SCNN1B: variants seen among roughly 807,000 people sequenced by gnomAD.
SCNN1B encodes epithelial sodium channel subunit beta.
A neutral mutation model predicts 65.3 loss-of-function variants in SCNN1B; 46 were observed. The ratio of observed to expected loss-of-function variants is 0.70; its 90% CI spans 0.56 to 0.90. SCNN1B has a LOEUF of 0.90. Among genes scored for constraint, SCNN1B ranks in the 40% least tolerant of loss-of-function variants. The pLI is 0.00. For missense variants in SCNN1B, 751 were observed against 830.5 expected (o/e 0.90, Z 1.18); for synonymous variants, 349 against 330.6 (o/e 1.06, Z -0.60).
At chr16:23,311,838 G>A (rs555852374) in intron 1 of SCNN1B, among the ~76,000 whole-genome samples, 3 of 152,308 alleles carry the variant, frequency 2.0e-5, no homozygotes, top group East Asian at 1.9e-4. Context: ...GAGTGTTGGA[G>A]AGGAAAGGAG....
chr16:23,312,230 A>G (rs552576092), intron 1 of SCNN1B, among the ~76,000 whole-genome samples: 26 of 152,208 alleles, frequency 1.7e-4, no homozygotes, highest in Middle Eastern at 3.4e-3. Flanking sequence ...TCGAGCTCAC[A>G]AAGTGTTGGG....
intron 1 of SCNN1B, among the ~76,000 whole-genome samples, chr16:23,313,958 T>C (rs909266904): frequency 6.6e-6 from 1 of 152,116 alleles, no homozygotes; most frequent in African/African-American, 2.4e-5. Flanking sequence ...CATTCTTTCA[T>C]TGAATTCTTT....
chr16:23,377,565 C>CTT, intron 10 of SCNN1B, among the ~76,000 whole-genome samples, 179 bp downstream of exon 10: 1 of 151,112 alleles, frequency 6.6e-6, no homozygotes, highest in African/African-American at 2.4e-5. Context: ...TTCCTTCCTC[C>CTT]TCTCTTTTCC....
upstream of SCNN1B, among the ~76,000 whole-genome samples, chr16:23,299,176 C>G (rs1961039541): frequency 6.6e-6 from 1 of 151,516 alleles, no homozygotes; most frequent in Non-Finnish European, 1.5e-5. Context: ...TCTCCCACCT[C>G]AGCCTCTTGA....
chr16:23,348,675 C>T lies in SCNN1B; in HGVS notation c.76C>T (p.Leu26=). ...CCCCGGCTACACGTACAAGGAGCTG[C>T]TGGTGTGGTACTGCGACAACACCAA... ...KGPGYTYKEL[L]VWYCDNTNTH... is the part of the protein sequence containing the mutation. Residue 26 remains leucine (L), a synonymous_variant, in exon 2 of 13, where the codon CTG becomes TTG. Transcript: ENST00000343070. This position sits in a 1 kb window ranked among gnomAD's most constrained non-coding sequence, Gnocchi z 4.5. The T allele has an allele frequency of 6.2e-7, 1 of 1,613,936 alleles. No homozygotes were observed. Among genetic ancestry groups the T allele is most frequent in the Non-Finnish European group, 8.5e-7 (1 of 1,180,010 alleles).
intron 1 of SCNN1B, among the ~76,000 whole-genome samples, chr16:23,347,053 T>C (rs1962205148): frequency 1.3e-5 from 2 of 152,190 alleles, no homozygotes; most frequent in South Asian, 4.2e-4. Context: ...GCCATGATCA[T>C]GCCACTGCAC....
In SCNN1B at chr16:23,380,853, G is replaced by A; in HGVS notation, c.*52G>A. 2.5e-6 allele frequency: 4 copies of A among 1,599,146 alleles called. No individual in the cohort carries two copies. The highest frequency in any genetic ancestry group is 1.1e-5 in the South Asian group (1 of 90,776). ...TGAAACTCACTGAGCAGCCAAGACTGTTGCCCGAGGCCTCACTGTATGGTG... is the reference window on the plus strand; with the variant it reads ...TGAAACTCACTGAGCAGCCAAGACTATTGCCCGAGGCCTCACTGTATGGTG... On this transcript the variant is annotated 3_prime_UTR_variant, in exon 13 of 13. Transcript: ENST00000343070. The surrounding 1 kb of genome is among the most constrained non-coding windows in gnomAD (Gnocchi z 5.4).
At position 23,380,065 on chromosome 16, in the gene SCNN1B, G is replaced by C; in HGVS notation, c.1467-29G>C. Reference sequence around the variant, plus strand: ...GTCTGTTTGGAAGGGGGATACATTAGTCCCGGCCCTTCTCGCTGCCTCCTG... The same window carrying C: ...GTCTGTTTGGAAGGGGGATACATTACTCCCGGCCCTTCTCGCTGCCTCCTG... On this transcript the variant is annotated intron_variant, in intron 11 of 12. Transcript: ENST00000343070. This position sits in a 1 kb window ranked among gnomAD's most constrained non-coding sequence, Gnocchi z 5.4. The C allele has an allele frequency of 7.0e-6, 11 of 1,572,160 alleles. No homozygotes were observed. The highest frequency in any genetic ancestry group is 8.8e-6 in the Non-Finnish European group (10 of 1,141,958).
chr16:23,360,705 C>T (rs1024656325), intron 4 of SCNN1B, among the ~76,000 whole-genome samples: 14 of 147,702 alleles, frequency 9.5e-5, no homozygotes, highest in African/African-American at 3.2e-4. Context: ...AAGTGATTAT[C>T]GTGTCTCAGC....
At chr16:23,286,531 C>T (rs1417708820) in intron 2 of SCNN1B, among the ~76,000 whole-genome samples, 1 of 152,220 alleles carries the variant, frequency 6.6e-6, no homozygotes, top group Non-Finnish European at 1.5e-5. Flanking sequence ...CAAGAGCATA[C>T]TTATAACACC....
intron 11 of SCNN1B, among the ~76,000 whole-genome samples, chr16:23,379,118 C>T (rs1962978878): frequency 6.8e-6 from 1 of 147,506 alleles, no homozygotes; most frequent in East Asian, 2.0e-4. Flanking sequence ...CATCCACCCA[C>T]ACACCCAGCC....
rs187905706 is a variant in SCNN1B at position 23,350,492 on chromosome 16, T to C, written c.311+1582T>C. ...AAAAAAAAGTGCCCTAAGGAATGAG[T>C]AGAAGTTGGCCAGATATGGTGAAGA... On this transcript the variant is annotated intron_variant, in intron 2 of 12. Coordinates refer to ENST00000343070, the MANE Select transcript of SCNN1B (RefSeq NM_000336.3). Among the ~76,000 whole-genome samples the C allele has an allele frequency of 7.8e-4, 119 of 152,076 alleles. 1 individual carries two copies. The highest frequency in any genetic ancestry group is 1.9e-4 in the Non-Finnish European group (13 of 67,986).
chr16:23,305,563 TATATATATATATATTA>T (rs1567290381), intron 1 of SCNN1B, among the ~76,000 whole-genome samples: 11 of 53,250 alleles, frequency 2.1e-4, no homozygotes, highest in African/African-American at 1.2e-3. Flanking sequence ...TATATATATA[TATATATATATATATTA>T]TATATATATA....
intron 1 of SCNN1B, among the ~76,000 whole-genome samples, chr16:23,283,314 G>T (rs1024682285): frequency 6.6e-6 from 1 of 152,196 alleles, no homozygotes; most frequent in African/African-American, 2.4e-5. Flanking sequence ...GGGAGGCTGA[G>T]ATATGAGGAT....
At chr16:23,331,783 A>G (rs1961817297) in intron 1 of SCNN1B, among the ~76,000 whole-genome samples, 1 of 152,196 alleles carries the variant, frequency 6.6e-6, no homozygotes. Flanking sequence ...GAATTAGCAC[A>G]GGAGGGGGAG....
At chr16:23,343,643 G>GAAAGAAAA (rs1268655441) in intron 1 of SCNN1B, among the ~76,000 whole-genome samples, 3 of 108,280 alleles carry the variant, frequency 2.8e-5, no homozygotes, top group Non-Finnish European at 5.8e-5. Flanking sequence ...AAGAAAGAAA[G>GAAAGAAAA]AAAGAAAAAA....
chr16:23,285,820 G>A (rs377206340), intron 2 of SCNN1B, among the ~76,000 whole-genome samples: 41 of 152,098 alleles, frequency 2.7e-4, no homozygotes, highest in African/African-American at 4.1e-4. Context: ...CTAAAACCAC[G>A]TGAATTAGCT....
chr16:23,343,651 A>G (rs200795346), intron 1 of SCNN1B, among the ~76,000 whole-genome samples: 3,568 of 89,562 alleles, frequency 0.04, 71 homozygotes, highest in African/African-American at 0.057. Context: ...AAGAAAGAAA[A>G]AAAGAAAGGA....
At chr16:23,366,346 C>T (rs1962668567) in intron 4 of SCNN1B, among the ~76,000 whole-genome samples, 1 of 152,164 alleles carries the variant, frequency 6.6e-6, no homozygotes, top group African/African-American at 2.4e-5. Context: ...GCTGGGACTA[C>T]AGACACTCAC....
Sources: gnomAD v4.1 joint callset for allele counts (sites outside exome capture counted in the v4.1 genomes callset) on GRCh38, gnomAD v4.1.1 for gene constraint, Gnocchi (gnomAD v3.1) non-coding constraint, MANE v1.5 for transcripts, NCBI Gene and HGNC (gene_info 2026-07-23, HGNC 2026-07-21) for gene names.